BMPR1B: variants seen among roughly 807,000 people sequenced by gnomAD.
The protein encoded by BMPR1B is bone morphogenetic protein receptor type 1B, also known as bone morphogenetic protein receptor type-1B.
Under a neutral mutation model 59.1 loss-of-function variants are expected in BMPR1B, and 12 were observed. The observed-to-expected ratio is 0.20, with a 90% CI of 0.13 to 0.33. BMPR1B has a LOEUF of 0.33. Ranked by LOEUF, BMPR1B falls within the 10% of genes least tolerant of loss-of-function variation. The probability of loss-of-function intolerance (pLI) is 1.00; values close to 1 mark genes in which losing one functional copy is unlikely to be tolerated. For missense variants in BMPR1B, 550 were observed against 610.9 expected, an observed-to-expected ratio of 0.90 and a Z score of 1.05; for synonymous variants, 237 against 207.3, an observed-to-expected ratio of 1.14 and a Z score of -1.23.
Position 95,021,463 on chromosome 4 carries a change from T to G in BMPR1B, c.-18+25329T>G, listed in dbSNP as rs369566846. On this transcript the variant is annotated intron_variant, in intron 3 of 12. Coordinates refer to ENST00000515059, the MANE Select transcript of BMPR1B (RefSeq NM_001203.3). ...ATTTAAACCTGGTGTTAATGTATTA[T>G]GAAATCAATAGCATTATACCAAATT... 2.6e-4 allele frequency among the ~76,000 whole-genome samples: 40 copies of G among 152,380 alleles called. No individual in the cohort carries two copies. The South Asian group carries it at 7.4e-3, about 28-fold the overall frequency.
At chr4:94,951,607 C>A (rs543762672) in intron 2 of BMPR1B, among the ~76,000 whole-genome samples, 15 of 152,222 alleles carry the variant, frequency 9.9e-5, no homozygotes, top group Admixed American at 2.6e-4. Flanking sequence ...AGGGATGAAG[C>A]CGACTTGATC....
chr4:94,821,439 A>G (rs902772323), intron 1 of BMPR1B, among the ~76,000 whole-genome samples: 4 of 149,986 alleles, frequency 2.7e-5, no homozygotes, highest in Non-Finnish European at 4.4e-5. Context: ...ATATATGCAT[A>G]TATTCTATAA....
At chr4:95,055,025 C>G (rs935255820) in intron 3 of BMPR1B, among the ~76,000 whole-genome samples, 20 of 152,034 alleles carry the variant, frequency 1.3e-4, no homozygotes, top group African/African-American at 4.8e-4. Context: ...ATTTTAGGAG[C>G]AATTCTACAT....
intron 2 of BMPR1B, among the ~76,000 whole-genome samples, chr4:94,910,225 C>T (rs1268775344): frequency 6.6e-6 from 1 of 152,074 alleles, no homozygotes; most frequent in African/African-American, 2.4e-5. Context: ...CTAAGGGGCC[C>T]TGAGGTAAGC....
At chr4:95,148,636 A>G in intron 10 of BMPR1B, 112 bp from the exon 11 acceptor site, 1 of 1,067,830 alleles carries the variant, frequency 9.4e-7, no homozygotes, top group Non-Finnish European at 1.4e-6. Flanking sequence ...ATTCCCTGGA[A>G]AGTTTTTCTT....
At chr4:94,820,394 G>C (rs1724163189) in intron 1 of BMPR1B, among the ~76,000 whole-genome samples, 1 of 152,232 alleles carries the variant, frequency 6.6e-6, no homozygotes, top group African/African-American at 2.4e-5. Context: ...CAATTTGCCA[G>C]TTGAAGTAAC....
At chr4:94,847,367 A>G (rs1294603721) in intron 1 of BMPR1B, among the ~76,000 whole-genome samples, 1 of 152,216 alleles carries the variant, frequency 6.6e-6, no homozygotes, top group Non-Finnish European at 1.5e-5. Context: ...ACTATGGAAA[A>G]CAGTGTGAAG....
At chr4:94,865,300 G>T (rs56051597) in intron 1 of BMPR1B, among the ~76,000 whole-genome samples, 4 of 151,476 alleles carry the variant, frequency 2.6e-5, no homozygotes, top group Non-Finnish European at 5.9e-5. Flanking sequence ...TATATTTTAG[G>T]TTAATTCAGA....
intron 1 of BMPR1B, among the ~76,000 whole-genome samples, chr4:94,865,317 A>T (rs1726172942): frequency 6.6e-6 from 1 of 151,448 alleles, no homozygotes; most frequent in Admixed American, 6.6e-5. Context: ...CAGAAAAAAT[A>T]AATGTATACT....
intron 2 of BMPR1B, among the ~76,000 whole-genome samples, chr4:94,897,894 G>T (rs1415380304): frequency 2.0e-5 from 3 of 150,982 alleles, no homozygotes; most frequent in Non-Finnish European, 4.4e-5. Context: ...TGAGTCCAAG[G>T]GTAGGAGTAC....
chr4:94,904,109 A>G (rs1056843398), intron 2 of BMPR1B, among the ~76,000 whole-genome samples: 2 of 152,058 alleles, frequency 1.3e-5, no homozygotes, highest in South Asian at 2.1e-4. Context: ...AAAAATTTCA[A>G]ATGTGTATTC....
At chr4:95,086,186 A>T (rs753158256) in intron 3 of BMPR1B, among the ~76,000 whole-genome samples, 1 of 152,192 alleles carries the variant, frequency 6.6e-6, no homozygotes, top group Non-Finnish European at 1.5e-5. Context: ...CTTGATTGGC[A>T]TCATTTGATA....
intron 3 of BMPR1B, among the ~76,000 whole-genome samples, chr4:95,082,574 A>G (rs1380717336): frequency 5.3e-5 from 8 of 152,112 alleles, no homozygotes; most frequent in Non-Finnish European, 1.2e-4. Context: ...AAACTCCATA[A>G]AGTGTAAGTA....
intron 1 of BMPR1B, among the ~76,000 whole-genome samples, chr4:94,844,409 G>A (rs760554664): frequency 4.6e-5 from 7 of 152,136 alleles, no homozygotes; most frequent in Non-Finnish European, 1.0e-4. Flanking sequence ...AAACAATGAG[G>A]CCTTAGGATT....
intron 1 of BMPR1B, among the ~76,000 whole-genome samples, chr4:94,761,355 TATTTCTTACCTGCAAAGA>T (rs961961916): frequency 6.6e-6 from 1 of 151,880 alleles, no homozygotes; most frequent in African/African-American, 2.4e-5. Context: ...GCAGAATTAC[TATTTCTTACCTGCAAAGA>T]AGATTTAAGC....
At position 95,129,904 on chromosome 4, in the gene BMPR1B, A is replaced by G. The variant is rs754044696; in HGVS notation, c.628A>G (p.Ile210Val). 1 of 1,613,842 alleles carries G rather than the reference A, an allele frequency of 6.2e-7. No individual in the cohort carries two copies. The highest frequency in any genetic ancestry group is 2.2e-5 in the East Asian group (1 of 44,872). The change falls in exon 9 of 13, where the codon ATT (isoleucine) becomes GTT (valine). Residue 210 changes from isoleucine to valine, a missense_variant. Transcript: ENST00000515059. ...TAAGCAGATTCAGATGGTGAAACAG[A>G]TTGGAAAAGGTCGCTATGGGGAAGT... ...IAKQIQMVKQ[I>V]GKGRYGEVWM...
chr4:95,071,650 G>GTGTA (rs1266251131), intron 3 of BMPR1B, among the ~76,000 whole-genome samples: 19 of 78,452 alleles, frequency 2.4e-4, no homozygotes, highest in African/African-American at 7.6e-4. Flanking sequence ...GTGTGTGTGT[G>GTGTA]TGTATATATA....
chr4:95,029,108 T>C (rs887342522), intron 3 of BMPR1B, among the ~76,000 whole-genome samples: 14 of 152,136 alleles, frequency 9.2e-5, no homozygotes, highest in Non-Finnish European at 1.6e-4. Flanking sequence ...TTTATTATTG[T>C]TACTATACTT....
chr4:94,762,520 G>A (rs979977191), intron 1 of BMPR1B, among the ~76,000 whole-genome samples: 2 of 152,170 alleles, frequency 1.3e-5, no homozygotes, highest in Admixed American at 6.5e-5. Context: ...AGCAAGCTAG[G>A]CACTCACTGG....
Sources: gnomAD v4.1 joint callset for allele counts (sites outside exome capture counted in the v4.1 genomes callset) on GRCh38, gnomAD v4.1.1 for gene constraint, MANE v1.5 for transcripts, NCBI Gene and HGNC (gene_info 2026-07-23, HGNC 2026-07-21) for gene names.